The following MEGF8 variants were observed in gnomAD, a reference collection of about 807,000 sequenced individuals.
MEGF8 encodes multiple epidermal growth factor-like domains protein 8.
Under a neutral mutation model 302.9 loss-of-function variants are expected in MEGF8, and 156 were observed. That is an observed-to-expected ratio of 0.52 (90% confidence interval 0.45 to 0.59). MEGF8 has a LOEUF of 0.59. MEGF8 is among the 20% of genes least tolerant of loss of function. MEGF8 has a pLI of 0.00. For synonymous variants in MEGF8, 1,621 were observed against 1,660.5 expected, an observed-to-expected ratio of 0.98 and a Z score of 0.58; for missense variants, 3,345 against 3,964.5, an observed-to-expected ratio of 0.84 and a Z score of 4.20.
At chr19:42,350,808 C>A (rs2147474729) in intron 15 of MEGF8, among the ~76,000 whole-genome samples, 1 of 152,274 alleles carries the variant, frequency 6.6e-6, no homozygotes, top group South Asian at 2.1e-4. Flanking sequence ...CAGAGTGAGG[C>A]TTCCTATTTC....
At chr19:42,332,564 C>T (rs1260945609) in intron 1 of MEGF8, among the ~76,000 whole-genome samples, 7 of 152,130 alleles carry the variant, frequency 4.6e-5, no homozygotes, top group Non-Finnish European at 8.8e-5. Flanking sequence ...GACGGGGTTT[C>T]GCCATGTTGG....
chr19:42,336,419 G>C lies in MEGF8; in HGVS notation c.1244+73G>C. 1.4e-6 allele frequency: 2 copies of C among 1,436,468 alleles called. No homozygotes were observed. The highest frequency in any genetic ancestry group is 1.8e-6 in the Non-Finnish European group (2 of 1,085,150). The allele number at this position is 1,436,468 out of a possible 1,614,324, so 89.0% of individuals were successfully genotyped here. ...CAACACCATAGGCCTTTAGTCTTTAGAGGTCTTTGCCCACTGTCGGACTCC... is the reference window on the plus strand; with the variant it reads ...CAACACCATAGGCCTTTAGTCTTTACAGGTCTTTGCCCACTGTCGGACTCC... On this transcript the variant is annotated intron_variant, in intron 6 of 41. Coordinates refer to ENST00000251268, the MANE Select transcript of MEGF8 (RefSeq NM_001271938.2). The surrounding 1 kb of genome is among the most constrained non-coding windows in gnomAD (Gnocchi z 4.8).
Position 42,376,608 on chromosome 19 carries a change from C to T in MEGF8, c.8371C>T (p.Pro2791Ser). The T allele has an allele frequency of 1.3e-6, 2 of 1,546,634 alleles. No homozygotes were observed. Among genetic ancestry groups the T allele is most frequent in the South Asian group, 2.4e-5 (2 of 84,060 alleles). The change falls in exon 42 of 42, where the codon CCC (proline) becomes TCC (serine). Residue 2791 changes from proline to serine, a missense_variant. Physicochemically the swap from Pro to Ser is moderately conservative, Grantham distance 74. Transcript: ENST00000251268. This position sits in a 1 kb window ranked among gnomAD's most constrained non-coding sequence, Gnocchi z 8.2. The part of the protein sequence containing the change: ...ATLLLQLPGG[P>S]HAPNGACLGS... ...ACTGCTGCTCCAGCTGCCTGGCGGG[C>T]CCCATGCACCCAACGGCGCCTGCCT... is the stretch of plus-strand genomic sequence containing the variant.
Position 42,354,770 on chromosome 19 carries a change from C to T in MEGF8, c.4144+50C>T. ...CCTCTTAGTCCTGGGCTATGTATCC[C>T]TTGCCCCTGAACTCACCACCTGAAG... is the stretch of plus-strand genomic sequence containing the variant. On this transcript the variant is annotated intron_variant, in intron 23 of 41. Transcript: ENST00000251268. This position sits in a 1 kb window ranked among gnomAD's most constrained non-coding sequence, Gnocchi z 4.3. The T allele has an allele frequency of 6.4e-7, 1 of 1,552,498 alleles. No individual in the cohort carries two copies. The highest frequency in any genetic ancestry group is 8.7e-7 in the Non-Finnish European group (1 of 1,149,696).
In MEGF8 at chr19:42,343,631, C is replaced by T. The variant is rs370015031; in HGVS notation, c.1668C>T (p.Asp556=). Residue 556 remains aspartate (D), a splice_region_variant and synonymous_variant, in exon 9 of 42, where the codon GAC becomes GAT. Transcript: ENST00000251268. ...PPFVFQAPAP[D]YHLDYCSMYT... ...TTGTGTTCCAGGCACCTGCCCCTGACGTGAGCACTGGGGTGACAGGGAAAG... is the reference window on the plus strand; with the variant it reads ...TTGTGTTCCAGGCACCTGCCCCTGATGTGAGCACTGGGGTGACAGGGAAAG... 31 of 1,602,004 alleles carry T rather than the reference C, an allele frequency of 1.9e-5. No homozygotes were observed. The highest frequency in any genetic ancestry group is 1.2e-4 in the African/African-American group (9 of 74,614).
chr19:42,356,074 A>G lies in MEGF8; in HGVS notation c.4393-9A>G, dbSNP rs767058906. On this transcript the variant is annotated splice_polypyrimidine_tract_variant and intron_variant, in intron 24 of 41. Coordinates refer to ENST00000251268, the MANE Select transcript of MEGF8 (RefSeq NM_001271938.2). The surrounding 1 kb of genome is among the most constrained non-coding windows in gnomAD (Gnocchi z 5.2). ...TCAGGGCTCCCCTGAGTCCCTTGTCATCCCCCAGAGCCTGGGTGTGTGCAT... is the reference window on the plus strand; with the variant it reads ...TCAGGGCTCCCCTGAGTCCCTTGTCGTCCCCCAGAGCCTGGGTGTGTGCAT... 1.9e-6 allele frequency: 3 copies of G among 1,588,112 alleles called. No homozygotes were observed. The African/African-American group carries it at 4.0e-5, about 21-fold the overall frequency.
At position 42,369,222 on chromosome 19, in the gene MEGF8, G is replaced by A. The variant is rs2147507583; in HGVS notation, c.6641+220G>A. 6.6e-6 allele frequency among the ~76,000 whole-genome samples: 1 copy of A among 152,344 alleles called. No homozygotes were observed. Among genetic ancestry groups the A allele is most frequent in the African/African-American group, 2.4e-5 (1 of 41,566 alleles). ...TGGCCGGGCACAGTGGCTGATGCCTGTAATCCCAGCACTTTGGGAGGCCGA... is the reference window on the plus strand; with the variant it reads ...TGGCCGGGCACAGTGGCTGATGCCTATAATCCCAGCACTTTGGGAGGCCGA... On this transcript the variant is annotated intron_variant, in intron 37 of 41. Transcript: ENST00000251268. This position sits in a 1 kb window ranked among gnomAD's most constrained non-coding sequence, Gnocchi z 5.7.
rs949638636 is a variant in MEGF8, at chr19:42,376,545, C to G, written c.8308C>G (p.Leu2770Val). 5 of 1,560,406 alleles carry G rather than the reference C, an allele frequency of 3.2e-6. No homozygotes were observed. The African/African-American group carries it at 6.8e-5, about 21-fold the overall frequency. Residue 2770 changes from leucine to valine, a missense_variant, in exon 42 of 42, where the codon CTC (leucine) becomes GTC (valine). Transcript: ENST00000251268. The surrounding 1 kb of genome is among the most constrained non-coding windows in gnomAD (Gnocchi z 8.2). ...TGGGCTGCGAGCTGGGCCCATCACTCTCGAGCCCACAGAAGATGGCATGGC... is the reference window on the plus strand; with the variant it reads ...TGGGCTGCGAGCTGGGCCCATCACTGTCGAGCCCACAGAAGATGGCATGGC... ...TAGLRAGPIT[L>V]EPTEDGMAGV... is the part of the protein sequence containing the mutation.
At position 42,335,980 on chromosome 19, in the gene MEGF8, T is replaced by C; in HGVS notation, c.878T>C (p.Leu293Pro). ...GTGGCCTGGGCCGGCTCCCTGGTACTGATGGGTGGTGAGCTGGCTGACGGC... is the reference window on the plus strand; with the variant it reads ...GTGGCCTGGGCCGGCTCCCTGGTACCGATGGGTGGTGAGCTGGCTGACGGC... ...VAVAWAGSLV[L>P]MGGELADGSL... The change falls in exon 6 of 42, where the codon CTG becomes CCG. Residue 293 changes from leucine to proline, a missense_variant. Coordinates refer to ENST00000251268, the MANE Select transcript of MEGF8 (RefSeq NM_001271938.2). 2 of 1,532,348 alleles carry C rather than the reference T, an allele frequency of 1.3e-6. No homozygotes were observed. The highest frequency in any genetic ancestry group is 1.8e-6 in the Non-Finnish European group (2 of 1,139,282). 94.9% of individuals were successfully genotyped at this position (1,532,348 alleles called of 1,614,324 possible). A position where few individuals can be genotyped will look rare whatever the true frequency, so the allele number is the denominator to read the frequency against.
Position 42,376,431 on chromosome 19 carries a change from C to T in MEGF8, c.8194C>T (p.Leu2732=). The T allele has an allele frequency of 2.5e-6, 4 of 1,612,200 alleles. No individual in the cohort carries two copies. The highest frequency in any genetic ancestry group is 2.5e-6 in the Non-Finnish European group (3 of 1,179,520). ...CGCCTTCCGCCGCTCTGAGCCCTTCCTGGCACCCCTGCTGCTGACAGGGGC... is the reference window on the plus strand; with the variant it reads ...CGCCTTCCGCCGCTCTGAGCCCTTCTTGGCACCCCTGCTGCTGACAGGGGC... ...PPAFRRSEPF[L]APLLLTGAGG... is the part of the protein sequence containing the mutation. Residue 2732 remains leucine (L), a synonymous_variant, in exon 42 of 42, where the codon CTG becomes TTG. Coordinates refer to ENST00000251268, the MANE Select transcript of MEGF8 (RefSeq NM_001271938.2). This position sits in a 1 kb window ranked among gnomAD's most constrained non-coding sequence, Gnocchi z 8.2.
chr19:42,351,451 C>A lies in MEGF8; in HGVS notation c.2878C>A (p.Leu960Met). 6.3e-7 allele frequency: 1 copy of A among 1,598,770 alleles called. No homozygotes were observed. The highest frequency in any genetic ancestry group is 2.3e-5 in the East Asian group (1 of 44,098). ...CAGGCGACTGACCTGTGAGGACTGC[C>A]TGGCCAACTCTAGCCAGTGCGCCTG... is the stretch of plus-strand genomic sequence containing the variant. ...CSQRLTCEDC[L>M]ANSSQCAWCQ... Residue 960 changes from leucine to methionine, a missense_variant, in exon 17 of 42, where the codon CTG (leucine) becomes ATG (methionine). Coordinates refer to ENST00000251268, the MANE Select transcript of MEGF8 (RefSeq NM_001271938.2). This position sits in a 1 kb window ranked among gnomAD's most constrained non-coding sequence, Gnocchi z 5.6.
chr19:42,351,735 C>T lies in MEGF8; in HGVS notation c.3075C>T (p.Gly1025=). 6.3e-7 allele frequency: 1 copy of T among 1,582,606 alleles called. No individual in the cohort carries two copies. Among genetic ancestry groups the T allele is most frequent in the Non-Finnish European group, 8.6e-7 (1 of 1,165,626 alleles). The part of the protein sequence containing the change: ...CLQSHECGWC[G]NEDNPTLGRC... ...AGAGCCACGAGTGTGGCTGGTGTGG[C>T]AATGAGGACAACCCCACACTGGGAC... The change falls in exon 18 of 42, where the codon GGC becomes GGT. Residue 1025 remains glycine (G), a synonymous_variant. Coordinates refer to ENST00000251268, the MANE Select transcript of MEGF8 (RefSeq NM_001271938.2). The surrounding 1 kb of genome is among the most constrained non-coding windows in gnomAD (Gnocchi z 5.6).
In MEGF8 at chr19:42,363,042, C is replaced by A. The variant is rs2039556272; in HGVS notation, c.6059-6C>A. 1 of 1,610,706 alleles carries A rather than the reference C, an allele frequency of 6.2e-7. No individual in the cohort carries two copies. Among genetic ancestry groups the A allele is most frequent in the African/African-American group, 1.3e-5 (1 of 74,900 alleles). On this transcript the variant is annotated splice_region_variant and splice_polypyrimidine_tract_variant and intron_variant, in intron 34 of 41. Coordinates refer to ENST00000251268, the MANE Select transcript of MEGF8 (RefSeq NM_001271938.2). ...TGAGGTTCTAATCCCCGTGCCCCAC[C>A]CCCAGGGGAGACCCGCCGCATCCTC...
chr19:42,358,320 G>A lies in MEGF8; in HGVS notation c.5175+13G>A, dbSNP rs1429870666. On this transcript the variant is annotated intron_variant, in intron 29 of 41. Transcript: ENST00000251268. This position sits in a 1 kb window ranked among gnomAD's most constrained non-coding sequence, Gnocchi z 4.4. ...TCAGGGGGCAAAGGTCAGGAAAAGA[G>A]GCTCAGACCCAAGGATGTATGGGGC... is the stretch of plus-strand genomic sequence containing the variant. The A allele has an allele frequency of 3.8e-6, 6 of 1,594,684 alleles. No homozygotes were observed. In the Admixed American group the frequency reaches 7.0e-5, roughly 19 times the overall value.
At chr19:42,326,487 A>C in intron 1 of MEGF8, 57 bp downstream of exon 1, 2 of 1,474,214 alleles carry the variant, frequency 1.4e-6, no homozygotes, top group African/African-American at 1.5e-5. Context: ...TCATGTGTGC[A>C]TTCATCCACT....
chr19:42,356,018 G>A lies in MEGF8; in HGVS notation c.4392+13G>A. ...AACTTGTAACCAGGTACAGGTGGGA[G>A]AGGGCAAGTCTGGTGGGACAGGGCT... On this transcript the variant is annotated intron_variant, in intron 24 of 41. Coordinates refer to ENST00000251268, the MANE Select transcript of MEGF8 (RefSeq NM_001271938.2). The surrounding 1 kb of genome is among the most constrained non-coding windows in gnomAD (Gnocchi z 5.2). 1 of 1,608,892 alleles carries A rather than the reference G, an allele frequency of 6.2e-7. No homozygotes were observed. The highest frequency in any genetic ancestry group is 1.7e-4 in the Middle Eastern group (1 of 6,042).
Position 42,336,001 on chromosome 19 carries a change from A to G in MEGF8, c.899A>G (p.Asp300Gly), listed in dbSNP as rs535520607. 2.0e-5 allele frequency: 31 copies of G among 1,542,182 alleles called. No individual in the cohort carries two copies. The Middle Eastern group carries it at 6.7e-4, about 34-fold the overall frequency. The change falls in exon 6 of 42, where the codon GAC becomes GGC. Residue 300 changes from aspartate to glycine, a missense_variant. Physicochemically the swap from Asp to Gly is moderately conservative, Grantham distance 94. Transcript: ENST00000251268. This position sits in a 1 kb window ranked among gnomAD's most constrained non-coding sequence, Gnocchi z 4.8. ...GTACTGATGGGTGGTGAGCTGGCTG[A>G]CGGCTCGCTCACCAACGACGTGTGG... is the stretch of plus-strand genomic sequence containing the variant. ...SLVLMGGELA[D>G]GSLTNDVWAF... is the part of the protein sequence containing the mutation.
At chr19:42,334,576 C>G (rs577403130) in intron 3 of MEGF8, among the ~76,000 whole-genome samples, 3 of 152,278 alleles carry the variant, frequency 2.0e-5, no homozygotes, top group African/African-American at 4.8e-5. Context: ...TGACCTTACG[C>G]CGAAGCTGTG....
intron 39 of MEGF8, 26 bp downstream of exon 39, chr19:42,370,385 G>T (rs772533778): frequency 1.3e-6 from 2 of 1,540,024 alleles, no homozygotes; most frequent in Non-Finnish European, 1.8e-6. Flanking sequence ...CAGATGCCTG[G>T]GTCTGAGGGA....
Sources: allele counts gnomAD v4.1 joint callset (sites outside exome capture counted in the v4.1 genomes callset), GRCh38; gene constraint gnomAD v4.1.1; non-coding constraint Gnocchi (gnomAD v3.1); transcripts MANE v1.5; gene names NCBI Gene and HGNC (gene_info 2026-07-23, HGNC 2026-07-21).